CADM2: variants seen among roughly 807,000 people sequenced by gnomAD.
The protein encoded by CADM2 is immunoglobulin superfamily member 4D.
CADM2 carries 12 observed loss-of-function variants against 49.8 expected under a neutral mutation model. The observed-to-expected ratio is 0.24, with a 90% CI of 0.15 to 0.39. The LOEUF (loss-of-function observed/expected upper bound fraction) is 0.39. Among genes scored for constraint, CADM2 ranks in the 10% least tolerant of loss-of-function variants. The pLI is 1.00. For synonymous variants in CADM2, 214 were observed against 175.4 expected (o/e 1.22, Z -1.74); for missense variants, 378 against 492.3 (o/e 0.77, Z 2.20).
chr3:85,488,798 G>C (rs2039541291), intron 1 of CADM2, among the ~76,000 whole-genome samples: 1 of 151,926 alleles, frequency 6.6e-6, no homozygotes, highest in Non-Finnish European at 1.5e-5. Context: ...CAAAGTGCTG[G>C]GATTACAGGC....
intron 3 of CADM2, among the ~76,000 whole-genome samples, chr3:85,810,707 T>C (rs2072814724): frequency 6.6e-6 from 1 of 151,618 alleles, no homozygotes; most frequent in South Asian, 2.1e-4. Flanking sequence ...ACCTGGCTAA[T>C]TTTTGTATTT....
At chr3:85,819,016 G>T (rs1459755803) in intron 3 of CADM2, among the ~76,000 whole-genome samples, 1 of 152,034 alleles carries the variant, frequency 6.6e-6, no homozygotes, top group Non-Finnish European at 1.5e-5. Flanking sequence ...CTCAGTCTGA[G>T]TCCCAAAGCC....
intron 6 of CADM2, among the ~76,000 whole-genome samples, chr3:85,926,667 A>G (rs1172278500): frequency 6.6e-6 from 1 of 151,660 alleles, no homozygotes; most frequent in Non-Finnish European, 1.5e-5. Flanking sequence ...TTTTTTTTAT[A>G]TTATTTGTGG....
chr3:85,786,858 C>T (rs1223432777), intron 2 of CADM2, among the ~76,000 whole-genome samples: 6 of 152,062 alleles, frequency 3.9e-5, no homozygotes, highest in Non-Finnish European at 7.4e-5. Flanking sequence ...AAAATTATTT[C>T]TATGATATTA....
At chr3:85,310,124 CATTCTAGAAA>C (rs564591686) in intron 1 of CADM2, among the ~76,000 whole-genome samples, 3 of 152,264 alleles carry the variant, frequency 2.0e-5, no homozygotes, top group African/African-American at 7.2e-5. Context: ...TCACATGTGC[CATTCTAGAAA>C]ATGTAACCAG....
chr3:86,016,051 CTT>C (rs200928810), intron 8 of CADM2, among the ~76,000 whole-genome samples: 3,131 of 151,050 alleles, frequency 0.021, 88 homozygotes, highest in African/African-American at 0.063. Context: ...AAAAAAGAAA[CTT>C]AATCATTTTA....
At chr3:85,886,053 AC>A (rs1369284558) in intron 4 of CADM2, 136 bp from the exon 5 acceptor site, 13 of 1,285,864 alleles carry the variant, frequency 1.0e-5, no homozygotes, top group Non-Finnish European at 1.4e-5. Context: ...GCAGTTTATT[AC>A]ATAGTAGTTT....
At chr3:85,347,645 A>C (rs1288002434) in intron 1 of CADM2, among the ~76,000 whole-genome samples, 2 of 59,922 alleles carry the variant, frequency 3.3e-5, no homozygotes, top group Non-Finnish European at 8.3e-5. Context: ...ATATACATAT[A>C]TATATATTTT....
chr3:85,851,591 T>C (rs568690141), intron 3 of CADM2, among the ~76,000 whole-genome samples: 1 of 150,540 alleles, frequency 6.6e-6, no homozygotes, highest in East Asian at 1.9e-4. Context: ...AAGCACAGCT[T>C]AATATAAATT....
At chr3:85,726,588 T>C (rs1325174594) in intron 2 of CADM2, 40 bp downstream of exon 2, 4 of 1,513,482 alleles carry the variant, frequency 2.6e-6, no homozygotes, top group South Asian at 1.1e-5. Flanking sequence ...TCATCATTCA[T>C]TTTTCTGCTC....
chr3:85,141,805 C>T (rs956208045), intron 1 of CADM2, among the ~76,000 whole-genome samples: 1 of 152,150 alleles, frequency 6.6e-6, no homozygotes, highest in Non-Finnish European at 1.5e-5. Flanking sequence ...AGTATAACTA[C>T]TTCTAGTCTT....
intron 2 of CADM2, among the ~76,000 whole-genome samples, chr3:85,761,589 A>C (rs1411749988): frequency 2.6e-5 from 4 of 151,824 alleles, no homozygotes; most frequent in Non-Finnish European, 5.9e-5. Context: ...GTTGGCCAGG[A>C]TGGTCTCAAT....
intron 1 of CADM2, among the ~76,000 whole-genome samples, chr3:85,145,427 T>C (rs894460612): frequency 6.6e-6 from 1 of 152,160 alleles, no homozygotes; most frequent in Non-Finnish European, 1.5e-5. Context: ...TCCCACAGTA[T>C]TTTCTGTCTC....
intron 1 of CADM2, among the ~76,000 whole-genome samples, chr3:85,012,881 G>T (rs2034062103): frequency 2.0e-5 from 3 of 151,490 alleles, no homozygotes; most frequent in African/African-American, 7.3e-5. Flanking sequence ...AAAGTACCAG[G>T]ATTCATTTAT....
intron 1 of CADM2, among the ~76,000 whole-genome samples, chr3:85,210,574 C>T (rs2041753687): frequency 6.6e-6 from 1 of 151,972 alleles, no homozygotes; most frequent in Non-Finnish European, 1.5e-5. Flanking sequence ...CAAGGTCTGG[C>T]TCTGTTGCCC....
At chr3:85,001,862 C>T (rs2033480481) in intron 1 of CADM2, among the ~76,000 whole-genome samples, 1 of 152,050 alleles carries the variant, frequency 6.6e-6, no homozygotes, top group African/African-American at 2.4e-5. Flanking sequence ...CCCACTCCTT[C>T]TTCAGCGAAG....
At chr3:85,848,596 G>GT (rs755848361) in intron 3 of CADM2, among the ~76,000 whole-genome samples, 6 of 152,058 alleles carry the variant, frequency 3.9e-5, no homozygotes, top group Non-Finnish European at 7.4e-5. Flanking sequence ...CAATCTTTAA[G>GT]TTACTACCTG....
chr3:85,359,666 A>ATATATATAT, intron 1 of CADM2, among the ~76,000 whole-genome samples: 1 of 26,544 alleles, frequency 3.8e-5, no homozygotes, highest in Non-Finnish European at 8.1e-5. Flanking sequence ...ATATATATAT[A>ATATATATAT]TTTTTTTTTT....
intron 1 of CADM2, among the ~76,000 whole-genome samples, chr3:85,693,810 C>A (rs1261227586): frequency 7.1e-6 from 1 of 140,262 alleles, no homozygotes; most frequent in African/African-American, 2.7e-5. Flanking sequence ...GCAGGGGAAT[C>A]ACTTGAACCC....
Sources: allele counts gnomAD v4.1 joint callset (sites outside exome capture counted in the v4.1 genomes callset), GRCh38; gene constraint gnomAD v4.1.1; transcripts MANE v1.5; gene names NCBI Gene and HGNC (gene_info 2026-07-23, HGNC 2026-07-21).